CFAP20DC: variants seen among roughly 807,000 people sequenced by gnomAD.
The protein encoded by CFAP20DC is CFAP20 domain containing, also known as protein CFAP20DC.
A neutral mutation model predicts 101.7 loss-of-function variants in CFAP20DC; 84 were observed. The ratio of observed to expected loss-of-function variants is 0.83; its 90% CI spans 0.69 to 0.99. CFAP20DC has a LOEUF of 0.99. CFAP20DC is among the 50% of genes least tolerant of loss of function. The pLI, the probability that CFAP20DC is intolerant of heterozygous loss-of-function variation, is 0.00. For missense variants in CFAP20DC, 1,007 were observed against 970.3 expected (o/e 1.04, Z -0.50); for synonymous variants, 359 against 351.2 (o/e 1.02, Z -0.25).
chr3:58,849,037 C>T lies in CFAP20DC; in HGVS notation c.1966G>A (p.Ala656Thr). ...ACCACACGGGAACCACTTACAGATG[C>T]TTCGGGGATCGAGCTCAGCCTTTCC... Reference protein sequence around the residue: ...SGERLSSIPEASEYDWRNYQP... With the variant: ...SGERLSSIPETSEYDWRNYQP... The change falls in exon 13 of 17, where the codon GCA becomes ACA. Residue 656 changes from alanine (A) to threonine (T), a missense_variant. By Grantham distance (58) the Ala-to-Thr change is moderately conservative. Coordinates refer to ENST00000482387, the MANE Select transcript of CFAP20DC (RefSeq NM_001394063.1). 6.5e-7 allele frequency: 1 copy of T among 1,535,312 alleles called. No individual in the cohort carries two copies. The highest frequency in any genetic ancestry group is 2.4e-5 in the East Asian group (1 of 40,898).
At chr3:59,022,819 G>C (rs540785317) in intron 4 of CFAP20DC, among the ~76,000 whole-genome samples, 6 of 152,180 alleles carry the variant, frequency 3.9e-5, no homozygotes, top group Non-Finnish European at 5.9e-5. Context: ...TTCTATTATA[G>C]GCTTATATTC....
chr3:58,883,684 T>C (rs2081386916), intron 7 of CFAP20DC, among the ~76,000 whole-genome samples: 1 of 152,182 alleles, frequency 6.6e-6, no homozygotes, highest in South Asian at 2.1e-4. Context: ...TTCAAATACT[T>C]CAGTGTTTGT....
intron 4 of CFAP20DC, among the ~76,000 whole-genome samples, chr3:58,995,728 C>T (rs1220402489): frequency 2.0e-5 from 3 of 152,264 alleles, no homozygotes; most frequent in East Asian, 3.9e-4. Context: ...AATTGGAGCC[C>T]TGAACAGAAT....
chr3:58,942,896 C>T (rs1447042850), intron 4 of CFAP20DC, among the ~76,000 whole-genome samples: 5 of 152,152 alleles, frequency 3.3e-5, no homozygotes, highest in Non-Finnish European at 7.4e-5. Context: ...GGGGAAGCGG[C>T]GTCTGCCATT....
intron 14 of CFAP20DC, among the ~76,000 whole-genome samples, chr3:58,826,544 G>A (rs938342719): frequency 4.6e-5 from 7 of 152,164 alleles, no homozygotes; most frequent in African/African-American, 1.7e-4. Context: ...TTATGAGTGA[G>A]AATATGCAGT....
Position 59,049,655 on chromosome 3 carries a change from G to A in CFAP20DC, c.-24C>T. The A allele has an allele frequency of 6.5e-7, 1 of 1,535,824 alleles. No homozygotes were observed. The highest frequency in any genetic ancestry group is 8.7e-7 in the Non-Finnish European group (1 of 1,146,654). ...ATTCCCGCAGGGGGCCCAGGGCTTG[G>A]GGGGCACAGAGTTCAGGGTTTCCAG... On this transcript the variant is annotated 5_prime_UTR_variant, in exon 1 of 17. Transcript: ENST00000482387.
At chr3:58,917,272 A>G (rs891238543) in intron 5 of CFAP20DC, among the ~76,000 whole-genome samples, 3 of 152,160 alleles carry the variant, frequency 2.0e-5, no homozygotes, top group African/African-American at 7.2e-5. Flanking sequence ...GTTGAAAGGA[A>G]TGCAAATTCT....
rs923942688 is a variant in CFAP20DC at position 58,859,630 on chromosome 3, G to A, written c.1593+3928C>T. ...TAATAAAGACATGTAGATGTGAACA[G>A]CCTAAAAAGATTACTCATACTGAGT... On this transcript the variant is annotated intron_variant, in intron 12 of 16. Transcript: ENST00000482387. The surrounding 1 kb of genome is among the most constrained non-coding windows in gnomAD (Gnocchi z 4.1). Among the ~76,000 whole-genome samples the A allele has an allele frequency of 1.3e-5, 2 of 152,152 alleles. No individual in the cohort carries two copies. Among genetic ancestry groups the A allele is most frequent in the Non-Finnish European group, 2.9e-5 (2 of 68,030 alleles).
Position 58,899,992 on chromosome 3 carries a change from T to TG in CFAP20DC, c.550+13715dup, listed in dbSNP as rs1469478996. Among the ~76,000 whole-genome samples, 8 of 152,138 alleles carry TG rather than the reference T, an allele frequency of 5.3e-5. No homozygotes were observed. The highest frequency in any genetic ancestry group is 1.9e-4 in the African/African-American group (8 of 41,420). Reference sequence around the variant, plus strand: ...AGTACTCTGAGGGAAAAGTTCAAGGTGAAGAAACAGCATAATGGGAGAATC... The same window carrying TG: ...AGTACTCTGAGGGAAAAGTTCAAGGTGGAAGAAACAGCATAATGGGAGAATC... On this transcript the variant is annotated intron_variant, in intron 6 of 16. Transcript: ENST00000482387. The surrounding 1 kb of genome is among the most constrained non-coding windows in gnomAD (Gnocchi z 5.0).
chr3:58,762,114 T>C lies in CFAP20DC; in HGVS notation c.2238-8251A>G, dbSNP rs552726050. 6.8e-4 allele frequency among the ~76,000 whole-genome samples: 103 copies of C among 152,342 alleles called. No homozygotes were observed. In the Middle Eastern group the frequency reaches 0.01, roughly 15 times the overall value. ...GCTTGTTAACTTTCTGTCTCATGGA[T>C]CTGTCTAATGTTGACAGTGGGGTGT... On this transcript the variant is annotated intron_variant, in intron 15 of 16. Transcript: ENST00000482387.
intron 4 of CFAP20DC, among the ~76,000 whole-genome samples, chr3:59,025,732 T>C (rs550635583): frequency 6.6e-6 from 1 of 152,302 alleles, no homozygotes; most frequent in Admixed American, 6.5e-5. Flanking sequence ...CCCTGATAAT[T>C]GATATGGCAA....
rs550436057 is a variant in CFAP20DC at position 58,861,007 on chromosome 3, G to A, written c.1593+2551C>T. Among the ~76,000 whole-genome samples the A allele has an allele frequency of 2.6e-5, 4 of 152,214 alleles. No individual in the cohort carries two copies. Among genetic ancestry groups the A allele is most frequent in the African/African-American group, 9.6e-5 (4 of 41,550 alleles). On this transcript the variant is annotated intron_variant, in intron 12 of 16. Coordinates refer to ENST00000482387, the MANE Select transcript of CFAP20DC (RefSeq NM_001394063.1). This position sits in a 1 kb window ranked among gnomAD's most constrained non-coding sequence, Gnocchi z 4.0. Reference sequence around the variant, plus strand: ...AGCAAAGAGTAAGGTAAGGTTATATGCAAAAAATTCATACTTTTGAGGCTC... The same window carrying A: ...AGCAAAGAGTAAGGTAAGGTTATATACAAAAAATTCATACTTTTGAGGCTC...
intron 15 of CFAP20DC, among the ~76,000 whole-genome samples, chr3:58,771,948 A>G (rs1463035092): frequency 6.6e-6 from 1 of 152,178 alleles, no homozygotes; most frequent in African/African-American, 2.4e-5. Flanking sequence ...ATGCACATGT[A>G]AAAATTAAAA....
rs530445366 is a variant in CFAP20DC, at chr3:58,868,264, A to C, written c.1016-328T>G. ...TGAAACTGACAGCCAACACAGAAAA[A>C]TTACTTCTTCCTTTAAAAGAGGAAG... On this transcript the variant is annotated intron_variant, in intron 9 of 16. Transcript: ENST00000482387. This position sits in a 1 kb window ranked among gnomAD's most constrained non-coding sequence, Gnocchi z 4.6. Among the ~76,000 whole-genome samples the C allele has an allele frequency of 1.1e-4, 17 of 152,146 alleles. No homozygotes were observed. The highest frequency in any genetic ancestry group is 2.2e-4 in the Non-Finnish European group (15 of 67,992).
intron 4 of CFAP20DC, among the ~76,000 whole-genome samples, chr3:58,995,974 A>ATCT: frequency 1.2e-5 from 1 of 85,878 alleles, no homozygotes; most frequent in Non-Finnish European, 2.3e-5. Flanking sequence ...TCTGTATAAT[A>ATCT]AATCTATCTA....
chr3:58,731,811 A>G (rs993696330), intron 3 of CFAP20DC, among the ~76,000 whole-genome samples: 49 of 152,214 alleles, frequency 3.2e-4, no homozygotes, highest in Non-Finnish European at 2.9e-5. Flanking sequence ...GAAAGGCGCC[A>G]TGATTAATGC....
intron 15 of CFAP20DC, among the ~76,000 whole-genome samples, chr3:58,782,023 TCAACTCAATACTGG>T (rs928771448): frequency 1.3e-5 from 2 of 152,016 alleles, no homozygotes; most frequent in African/African-American, 4.8e-5. Flanking sequence ...GCAAAAATTC[TCAACTCAATACTGG>T]CAAACTGAAT....
Position 58,748,592 on chromosome 3 carries a change from C to T in CFAP20DC, c.2332+5177G>A, listed in dbSNP as rs572638613. On this transcript the variant is annotated intron_variant, in intron 16 of 16. Coordinates refer to ENST00000482387, the MANE Select transcript of CFAP20DC (RefSeq NM_001394063.1). ...ATCACCCTACTCACAGGGGAAGGGG[C>T]GGGGTCTCTGCATTAAAGGAATGTT... Among the ~76,000 whole-genome samples, 4 of 152,192 alleles carry T rather than the reference C, an allele frequency of 2.6e-5. No homozygotes were observed. In the South Asian group the frequency reaches 8.3e-4, roughly 32 times the overall value.
chr3:58,809,166 A>T (rs2074384271), intron 14 of CFAP20DC, among the ~76,000 whole-genome samples: 2 of 152,106 alleles, frequency 1.3e-5, no homozygotes, highest in Admixed American at 6.6e-5. Context: ...TAACAAGGAT[A>T]CCCAGGAATT....
Sources: gnomAD v4.1 joint callset for allele counts (sites outside exome capture counted in the v4.1 genomes callset) on GRCh38, gnomAD v4.1.1 for gene constraint, Gnocchi (gnomAD v3.1) non-coding constraint, MANE v1.5 for transcripts, NCBI Gene and HGNC (gene_info 2026-07-23, HGNC 2026-07-21) for gene names.